DPP6: variants seen among roughly 807,000 people sequenced by gnomAD.
DPP6 encodes the protein dipeptidyl peptidase like 6, also known as A-type potassium channel modulatory protein DPP6.
Under a neutral mutation model 122.6 loss-of-function variants are expected in DPP6, and 69 were observed. The observed-to-expected ratio is 0.56, with a 90% CI of 0.46 to 0.69. DPP6 has a LOEUF of 0.69. Among genes scored for constraint, DPP6 ranks in the 30% least tolerant of loss-of-function variants. The probability of loss-of-function intolerance (pLI) is 0.00; values close to 1 mark genes in which losing one functional copy is unlikely to be tolerated. For synonymous variants in DPP6, 418 were observed against 433.1 expected, an observed-to-expected ratio of 0.97 and a Z score of 0.43; for missense variants, 928 against 1,116.9, an observed-to-expected ratio of 0.83 and a Z score of 2.41.
Position 154,403,061 on chromosome 7 carries a change from A to T in DPP6, c.244-43153A>T, listed in dbSNP as rs946932994. Among the ~76,000 whole-genome samples the T allele has an allele frequency of 6.6e-6, 1 of 152,246 alleles. No individual in the cohort carries two copies. Among genetic ancestry groups the T allele is most frequent in the Non-Finnish European group, 1.5e-5 (1 of 68,036 alleles). On this transcript the variant is annotated intron_variant, in intron 1 of 25. Transcript: ENST00000377770. The surrounding 1 kb of genome is among the most constrained non-coding windows in gnomAD (Gnocchi z 4.1). ...TAATAGCTAATTATCAGAGTTATTT[A>T]TATGACTGTGTCAGGTACCTGCCTG...
intron 8 of DPP6, among the ~76,000 whole-genome samples, chr7:154,769,072 C>T (rs1796077745): frequency 1.3e-5 from 2 of 152,106 alleles, no homozygotes; most frequent in African/African-American, 2.4e-5. Context: ...TAATAATCAA[C>T]AATAGTACAA....
At chr7:154,596,827 G>A (rs879774500) in intron 5 of DPP6, among the ~76,000 whole-genome samples, 1 of 152,200 alleles carries the variant, frequency 6.6e-6, no homozygotes, top group Non-Finnish European at 1.5e-5. Flanking sequence ...TGCTCTATTT[G>A]AGATAAAATC....
At chr7:154,158,391 TCAGC>T in intron 1 of DPP6, among the ~76,000 whole-genome samples, 1 of 151,866 alleles carries the variant, frequency 6.6e-6, no homozygotes, top group Non-Finnish European at 1.5e-5. Context: ...CCTTTATTTT[TCAGC>T]CTGTCTATTG....
intron 1 of DPP6, among the ~76,000 whole-genome samples, chr7:154,181,883 G>A (rs1798106575): frequency 6.6e-6 from 1 of 151,672 alleles, no homozygotes; most frequent in Non-Finnish European, 1.5e-5. Context: ...TGAGTAGCTG[G>A]GATTACAAGC....
chr7:154,586,916 G>A (rs894558862), intron 5 of DPP6, among the ~76,000 whole-genome samples: 1 of 152,216 alleles, frequency 6.6e-6, no homozygotes, highest in Non-Finnish European at 1.5e-5. Flanking sequence ...AGCAGGAACT[G>A]CTCCTTACTT....
intron 1 of DPP6, among the ~76,000 whole-genome samples, chr7:154,115,160 A>G (rs1806888875): frequency 6.6e-6 from 1 of 152,218 alleles, no homozygotes; most frequent in African/African-American, 2.4e-5. Flanking sequence ...TGCTGCAGTC[A>G]TCAGGTGGTG....
intron 1 of DPP6, among the ~76,000 whole-genome samples, chr7:154,214,531 G>T (rs11505645): frequency 0.07 from 10,729 of 152,240 alleles, 457 homozygotes; most frequent in African/African-American, 0.11. Context: ...ACCTCCAAAC[G>T]CCACCTTGCC....
intron 1 of DPP6, among the ~76,000 whole-genome samples, chr7:154,072,188 G>C: frequency 6.6e-6 from 1 of 152,390 alleles, no homozygotes; most frequent in South Asian, 2.1e-4. Flanking sequence ...AAACTGGCAA[G>C]ATGGAAGAGC....
intron 1 of DPP6, among the ~76,000 whole-genome samples, chr7:154,388,619 G>T (rs992292595): frequency 5.3e-5 from 8 of 152,126 alleles, no homozygotes; most frequent in Admixed American, 5.2e-4. Flanking sequence ...GGGAGAACCT[G>T]CCCTGATGCC....
At chr7:154,181,749 C>CTTTTTTTTTTTTTTTTTT (rs57576340) in intron 1 of DPP6, among the ~76,000 whole-genome samples, 1 of 134,912 alleles carries the variant, frequency 7.4e-6, no homozygotes. Flanking sequence ...GCATCTCCCT[C>CTTTTTTTTTTTTTTTTTT]TTTTTTTTTT....
intron 1 of DPP6, among the ~76,000 whole-genome samples, chr7:154,102,890 T>C (rs567041117): frequency 6.6e-6 from 1 of 152,314 alleles, no homozygotes; most frequent in Admixed American, 6.5e-5. Flanking sequence ...TTTTATGGAA[T>C]ACTAATCAGT....
rs1283300923 is a variant in DPP6 at position 154,885,616 on chromosome 7, C to G, written c.2134-17C>G. The G allele has an allele frequency of 1.3e-6, 2 of 1,556,618 alleles. No homozygotes were observed. The highest frequency in any genetic ancestry group is 1.7e-6 in the Non-Finnish European group (2 of 1,149,968). ...CTGCCAGGACTCCTAACTGTCTTCT[C>G]TCTGCGCTTTCTCCAGGATTACGGT... On this transcript the variant is annotated splice_polypyrimidine_tract_variant and intron_variant, in intron 21 of 25. Coordinates refer to ENST00000377770, the MANE Select transcript of DPP6 (RefSeq NM_130797.4).
At chr7:154,376,896 A>G (rs1016374142) in intron 1 of DPP6, among the ~76,000 whole-genome samples, 3 of 152,226 alleles carry the variant, frequency 2.0e-5, no homozygotes, top group Non-Finnish European at 4.4e-5. Context: ...TAGAAATCAT[A>G]TAGTTTCCCA....
chr7:154,115,806 C>T (rs1806944440), intron 1 of DPP6, among the ~76,000 whole-genome samples: 1 of 152,160 alleles, frequency 6.6e-6, no homozygotes, highest in African/African-American at 2.4e-5. Context: ...ATTGTGAATA[C>T]ACAACCATCC....
intron 7 of DPP6, among the ~76,000 whole-genome samples, chr7:154,703,069 A>G (rs1840614473): frequency 6.6e-6 from 1 of 152,230 alleles, no homozygotes; most frequent in Non-Finnish European, 1.5e-5. Context: ...AAATGCAATA[A>G]CAAGGCCTGG....
chr7:154,671,280 C>T (rs773913258), intron 7 of DPP6, among the ~76,000 whole-genome samples: 56 of 152,214 alleles, frequency 3.7e-4, no homozygotes, highest in Non-Finnish European at 7.6e-4. Context: ...TCCCTGCCTG[C>T]TGCGGATCCA....
At chr7:154,661,939 G>A (rs1284549052) in intron 6 of DPP6, among the ~76,000 whole-genome samples, 5 of 148,870 alleles carry the variant, frequency 3.4e-5, no homozygotes, top group Admixed American at 6.7e-5. Context: ...ATGGCGTATT[G>A]GCGGTAGTGT....
chr7:154,357,268 T>TGTGG (rs141060534), intron 1 of DPP6, among the ~76,000 whole-genome samples: 4,316 of 148,604 alleles, frequency 0.029, 211 homozygotes, highest in African/African-American at 0.1. Flanking sequence ...TAGAAAGTAA[T>TGTGG]GTGGGGCTTT....
chr7:153,919,038 C>T (rs62487374), intron 1 of DPP6, among the ~76,000 whole-genome samples: 5 of 151,514 alleles, frequency 3.3e-5, no homozygotes, highest in East Asian at 1.9e-4. Context: ...CTGTGTGCCT[C>T]GGTACAGTGG....
Sources: gnomAD v4.1 joint callset for allele counts (sites outside exome capture counted in the v4.1 genomes callset) on GRCh38, gnomAD v4.1.1 for gene constraint, Gnocchi (gnomAD v3.1) non-coding constraint, MANE v1.5 for transcripts, NCBI Gene and HGNC (gene_info 2026-07-23, HGNC 2026-07-21) for gene names.